Variants in FHOD3 observed in about 807,000 individuals in gnomAD.
The protein encoded by FHOD3 is formin homology 2 domain containing 3, also known as FH1/FH2 domain-containing protein 3.
Under a neutral mutation model 173.0 loss-of-function variants are expected in FHOD3, and 90 were observed. The ratio of observed to expected loss-of-function variants is 0.52; its 90% CI spans 0.44 to 0.62. The LOEUF (loss-of-function observed/expected upper bound fraction) is 0.62, where lower values mean the gene tolerates loss of function less well. Ranked by LOEUF, FHOD3 falls within the 20% of genes least tolerant of loss-of-function variation. FHOD3 has a pLI of 0.00. For missense variants in FHOD3, 1,945 were observed against 2,034.7 expected (o/e 0.96, Z 0.85); for synonymous variants, 828 against 823.0 (o/e 1.01, Z -0.10).
At chr18:36,338,278 G>T (rs2045428750) in intron 1 of FHOD3, among the ~76,000 whole-genome samples, 1 of 152,204 alleles carries the variant, frequency 6.6e-6, no homozygotes. Context: ...GGTGGCTCTG[G>T]ATACTTGGTA....
Position 36,779,880 on chromosome 18 carries a change from T to C in FHOD3, c.*350T>C. On this transcript the variant is annotated 3_prime_UTR_variant, in exon 29 of 29. Transcript: ENST00000590592. ...TTATGGTAATATGAGGCAATCTGAT[T>C]AGCTTCACAGACTGAGTCTCCACAA... is the stretch of plus-strand genomic sequence containing the variant. 2.3e-6 allele frequency: 1 copy of C among 441,312 alleles called. No homozygotes were observed. The highest frequency in any genetic ancestry group is 4.0e-6 in the Non-Finnish European group (1 of 251,612). 27.3% of individuals were successfully genotyped at this position (441,312 alleles called of 1,614,324 possible). A position where few individuals can be genotyped will look rare whatever the true frequency, so the allele number is the denominator to read the frequency against.
At chr18:36,736,632 C>A (rs951089021) in intron 20 of FHOD3, among the ~76,000 whole-genome samples, 8 of 152,228 alleles carry the variant, frequency 5.3e-5, no homozygotes, top group African/African-American at 1.9e-4. Context: ...CTGCCTCTCT[C>A]TGACATCAAA....
intron 3 of FHOD3, among the ~76,000 whole-genome samples, chr18:36,420,264 G>T (rs1047718642): frequency 1.3e-5 from 2 of 152,122 alleles, no homozygotes; most frequent in Admixed American, 6.5e-5. Context: ...ACAGTTGAGG[G>T]TATAGTCTGT....
intron 3 of FHOD3, among the ~76,000 whole-genome samples, chr18:36,468,271 C>A (rs569196809): frequency 4.6e-5 from 7 of 152,162 alleles, no homozygotes; most frequent in Non-Finnish European, 1.0e-4. Flanking sequence ...GCTACCTCTC[C>A]CCTCGCCTGG....
intron 28 of FHOD3, among the ~76,000 whole-genome samples, chr18:36,775,010 G>C (rs995821935): frequency 6.6e-6 from 1 of 152,146 alleles, no homozygotes; most frequent in African/African-American, 2.4e-5. Context: ...GTCCTAGGGA[G>C]CACATCTGGC....
chr18:36,721,083 A>G lies in FHOD3; in HGVS notation c.3417+2368A>G, dbSNP rs547451560. 6.6e-5 allele frequency among the ~76,000 whole-genome samples: 10 copies of G among 152,252 alleles called. No individual in the cohort carries two copies. In the East Asian group the frequency reaches 9.7e-4, roughly 15 times the overall value. On this transcript the variant is annotated intron_variant, in intron 19 of 28. Transcript: ENST00000590592. Reference sequence around the variant, plus strand: ...TTCTAGCCTCTTTTGTCTCAGCCCAAAGTTCCATGATTGCCTGAAGCAGGT... The same window carrying G: ...TTCTAGCCTCTTTTGTCTCAGCCCAGAGTTCCATGATTGCCTGAAGCAGGT...
In FHOD3 at chr18:36,744,113, G is replaced by T; in HGVS notation, c.3961G>T (p.Val1321Leu). 2 of 1,614,036 alleles carry T rather than the reference G, an allele frequency of 1.2e-6. No homozygotes were observed. Among genetic ancestry groups the T allele is most frequent in the Non-Finnish European group, 1.7e-6 (2 of 1,179,894 alleles). The change falls in exon 23 of 29, where the codon GTG (valine) becomes TTG (leucine). Residue 1321 changes from valine (V) to leucine (L), a missense_variant. Transcript: ENST00000590592. ...TVHKQSLLHH[V>L]CTMVVENFPD... is the part of the protein sequence containing the mutation. ...GCACAAGCAGTCGCTTCTCCACCAT[G>T]TGTGCACCATGGTGGTAGAAAACTT...
chr18:36,745,662 C>T (rs1600526677), intron 23 of FHOD3, among the ~76,000 whole-genome samples: 1 of 152,054 alleles, frequency 6.6e-6, no homozygotes, highest in Non-Finnish European at 1.5e-5. Context: ...TAAGTAGCAA[C>T]GGCTTACCTC....
Position 36,744,155 on chromosome 18 carries a change from C to T in FHOD3, c.4003C>T (p.Leu1335=). 1 of 1,614,158 alleles carries T rather than the reference C, an allele frequency of 6.2e-7. No individual in the cohort carries two copies. Among genetic ancestry groups the T allele is most frequent in the Non-Finnish European group, 8.5e-7 (1 of 1,180,028 alleles). Residue 1335 remains leucine (L), a synonymous_variant, in exon 23 of 29, where the codon CTG becomes TTG. Coordinates refer to ENST00000590592, the MANE Select transcript of FHOD3 (RefSeq NM_001281740.3). ...AGAAAACTTCCCAGACAGCTCCGAT[C>T]TGTACTCGGAGATCGGGGCCATCAC... The part of the protein sequence containing the change: ...VVENFPDSSD[L]YSEIGAITRS...
chr18:36,573,150 C>CTTTT (rs60486589), intron 5 of FHOD3, among the ~76,000 whole-genome samples: 1,823 of 140,700 alleles, frequency 0.013, 41 homozygotes, highest in African/African-American at 0.045. Context: ...TATTTTTGTT[C>CTTTT]TTTTTTTTTT....
At position 36,652,780 on chromosome 18, in the gene FHOD3, C is replaced by T; in HGVS notation, c.1497C>T (p.Ser499=). The T allele has an allele frequency of 3.9e-6, 6 of 1,536,000 alleles. No homozygotes were observed. The highest frequency in any genetic ancestry group is 5.2e-6 in the Non-Finnish European group (6 of 1,146,728). The change falls in exon 12 of 29, where the codon TCC becomes TCT. Residue 499 remains serine (S), a synonymous_variant. Transcript: ENST00000590592. ...LSPPASAARP[S]SATPGSLKVS... ...CCCCTGCCTCAGCTGCTCGGCCCTC[C>T]TCCGCCACACCAGGCTCCCTGAAGG...
chr18:36,374,855 T>G (rs894415369), intron 3 of FHOD3, among the ~76,000 whole-genome samples: 1 of 149,764 alleles, frequency 6.7e-6, no homozygotes, highest in Non-Finnish European at 1.5e-5. Context: ...TATTTTTTTA[T>G]GTATTGTTTT....
chr18:36,333,728 C>T (rs961538609), intron 1 of FHOD3, among the ~76,000 whole-genome samples: 6 of 152,302 alleles, frequency 3.9e-5, no homozygotes, highest in Middle Eastern at 3.4e-3. Flanking sequence ...CCCACCGCCA[C>T]CCCTCCTAAC....
intron 17 of FHOD3, among the ~76,000 whole-genome samples, chr18:36,703,542 A>G (rs1188748152): frequency 6.6e-6 from 1 of 152,194 alleles, no homozygotes; most frequent in Non-Finnish European, 1.5e-5. Context: ...ATGATGTAAT[A>G]TGATTCCTGG....
chr18:36,576,451 C>G lies in FHOD3; in HGVS notation c.512C>G (p.Ala171Gly), dbSNP rs751714168. 1.2e-5 allele frequency: 19 copies of G among 1,610,490 alleles called. No individual in the cohort carries two copies. The highest frequency in any genetic ancestry group is 1.6e-5 in the Non-Finnish European group (19 of 1,178,380). The change falls in exon 6 of 29, where the codon GCT becomes GGT. Residue 171 changes from alanine (A) to glycine (G), a missense_variant and splice_region_variant. Ala to Gly is a moderately conservative substitution (Grantham distance 60, BLOSUM62 0). Transcript: ENST00000590592. ...CTCCTTTTTCTCTTGTTTTCTGTAG[C>G]TTTGGGCCAGATTATGTTGTATGTG... The part of the protein sequence containing the change: ...DQNYQNYILR[A>G]LGQIMLYVDG...
At chr18:36,655,391 C>T (rs1194558511) in intron 13 of FHOD3, among the ~76,000 whole-genome samples, 1 of 152,016 alleles carries the variant, frequency 6.6e-6, no homozygotes, top group Non-Finnish European at 1.5e-5. Flanking sequence ...AGACCCTTCC[C>T]GTTTGGTCTG....
chr18:36,419,331 G>A (rs530941987), intron 3 of FHOD3, among the ~76,000 whole-genome samples: 11 of 151,812 alleles, frequency 7.2e-5, no homozygotes, highest in African/African-American at 2.7e-4. Context: ...TCAAGTGGAG[G>A]CCTCCTGGAC....
chr18:36,324,961 TA>T (rs1235888940), intron 1 of FHOD3, among the ~76,000 whole-genome samples: 1 of 152,194 alleles, frequency 6.6e-6, no homozygotes, highest in Non-Finnish European at 1.5e-5. Context: ...ACTTATAGAA[TA>T]TTCATAGAAT....
chr18:36,593,135 G>T (rs1241775990), intron 6 of FHOD3, among the ~76,000 whole-genome samples: 1 of 152,228 alleles, frequency 6.6e-6, no homozygotes, highest in Admixed American at 6.5e-5. Context: ...TTTGGAGAGA[G>T]CAGTTAGTTG....
Sources: gnomAD v4.1 joint callset for allele counts (sites outside exome capture counted in the v4.1 genomes callset) on GRCh38, gnomAD v4.1.1 for gene constraint, MANE v1.5 for transcripts, NCBI Gene and HGNC (gene_info 2026-07-23, HGNC 2026-07-21) for gene names.